ATP13A5: variants seen among roughly 807,000 people sequenced by gnomAD.
ATP13A5 encodes the protein probable cation-transporting ATPase 13A5.
In ATP13A5, 149 loss-of-function variants were observed where a neutral mutation model predicts 150.2. The observed-to-expected ratio is 0.99, with a 90% CI of 0.87 to 1.14. ATP13A5 has a LOEUF of 1.14. ATP13A5 is among the 50% of genes most tolerant of loss of function. ATP13A5 has a pLI of 0.00. For synonymous variants in ATP13A5, 497 were observed against 522.2 expected (o/e 0.95, Z 0.66); for missense variants, 1,383 against 1,449.3 (o/e 0.95, Z 0.74).
intron 3 of ATP13A5, 125 bp from the exon 4 acceptor site, chr3:193,362,762 T>TTTCC (rs1713072825): frequency 1.3e-5 from 2 of 154,636 alleles, no homozygotes; most frequent in East Asian, 1.1e-4. Flanking sequence ...TCTTTCTTTC[T>TTTCC]TTCTTTCTTT....
intron 7 of ATP13A5, among the ~76,000 whole-genome samples, chr3:193,349,656 C>G (rs1227174453): frequency 1.3e-5 from 2 of 152,048 alleles, no homozygotes; most frequent in African/African-American, 4.8e-5. Flanking sequence ...TGTCTAGTCT[C>G]ACCAGCAATC....
At chr3:193,291,486 A>G (rs942895099) in intron 25 of ATP13A5, among the ~76,000 whole-genome samples, 2 of 152,044 alleles carry the variant, frequency 1.3e-5, no homozygotes, top group Non-Finnish European at 2.9e-5. Flanking sequence ...TGCTAACAAG[A>G]TGACTCATGG....
chr3:193,289,907 A>G lies in ATP13A5; in HGVS notation c.3001T>C (p.Tyr1001His). The part of the protein sequence containing the change: ...AFLYVKQQPW[Y>H]CEVYQYSECF... ...TACCTGTATTGGTAGACCTCACAATACCAAGGCTGCTGCTTCACATAGAGA... is the reference window on the plus strand; with the variant it reads ...TACCTGTATTGGTAGACCTCACAATGCCAAGGCTGCTGCTTCACATAGAGA... Residue 1001 changes from tyrosine (Y) to histidine (H), a missense_variant, in exon 26 of 30, where the codon TAT (tyrosine) becomes CAT (histidine). By Grantham distance (83) the Tyr-to-His change is moderately conservative. Coordinates refer to ENST00000342358, the MANE Select transcript of ATP13A5 (RefSeq NM_198505.4). 2 of 1,609,686 alleles carry G rather than the reference A, an allele frequency of 1.2e-6. No homozygotes were observed. The highest frequency in any genetic ancestry group is 1.7e-6 in the Non-Finnish European group (2 of 1,178,208).
intron 6 of ATP13A5, 64 bp from the exon 7 acceptor site, chr3:193,351,265 C>A: frequency 6.4e-7 from 1 of 1,566,248 alleles, no homozygotes; most frequent in South Asian, 1.1e-5. Context: ...AAGAAGATGT[C>A]ATTTCATTAT....
At chr3:193,277,391 CTTAT>C (rs373491082) in intron 28 of ATP13A5, among the ~76,000 whole-genome samples, 20 of 152,234 alleles carry the variant, frequency 1.3e-4, no homozygotes, top group African/African-American at 4.8e-4. Flanking sequence ...ATTAAATATG[CTTAT>C]TTAAAGTGTG....
chr3:193,277,300 C>G (rs948133322), intron 28 of ATP13A5, among the ~76,000 whole-genome samples: 74 of 152,096 alleles, frequency 4.9e-4, no homozygotes, highest in Non-Finnish European at 7.5e-4. Flanking sequence ...TTGCTTCTGG[C>G]CCTATGTCTG....
chr3:193,295,080 A>G (rs1718111419), intron 25 of ATP13A5, among the ~76,000 whole-genome samples: 1 of 152,118 alleles, frequency 6.6e-6, no homozygotes, highest in African/African-American at 2.4e-5. Context: ...GTAATTTTAC[A>G]TTGATCATCA....
chr3:193,342,383 T>C (rs1369116900), intron 9 of ATP13A5, among the ~76,000 whole-genome samples: 1 of 152,214 alleles, frequency 6.6e-6, no homozygotes, highest in African/African-American at 2.4e-5. Context: ...GGAGGATCTA[T>C]GTAGGCTGTG....
chr3:193,372,856 T>C (rs1713500778), intron 1 of ATP13A5, among the ~76,000 whole-genome samples: 1 of 152,210 alleles, frequency 6.6e-6, no homozygotes. Flanking sequence ...AATTTTTGAA[T>C]CTTGATTCTG....
At chr3:193,376,129 G>T (rs1470506441) in intron 1 of ATP13A5, among the ~76,000 whole-genome samples, 1 of 152,178 alleles carries the variant, frequency 6.6e-6, no homozygotes, top group East Asian at 1.9e-4. Flanking sequence ...GTTTTCAAAA[G>T]ATGAATTTGT....
chr3:193,364,096 A>ATT lies in ATP13A5; in HGVS notation c.237+10_237+11insAA, dbSNP rs1371409619. 1.2e-6 allele frequency: 2 copies of ATT among 1,612,504 alleles called. No individual in the cohort carries two copies. The highest frequency in any genetic ancestry group is 3.3e-5 in the Admixed American group (2 of 59,914). ...CATGGCTTTCAAAATAGAAAACAGA[A>ATT]AGGCACGCACTGTTGTCCTCAGCAA... On this transcript the variant is annotated intron_variant, in intron 2 of 29. Coordinates refer to ENST00000342358, the MANE Select transcript of ATP13A5 (RefSeq NM_198505.4).
intron 9 of ATP13A5, among the ~76,000 whole-genome samples, chr3:193,338,816 C>G (rs1204008389): frequency 6.6e-6 from 1 of 152,144 alleles, no homozygotes; most frequent in Non-Finnish European, 1.5e-5. Context: ...CTGGTACCAG[C>G]TTCTCCTTGT....
At chr3:193,347,246 G>T (rs547369604) in intron 7 of ATP13A5, among the ~76,000 whole-genome samples, 142 of 149,526 alleles carry the variant, frequency 9.5e-4, no homozygotes, top group Non-Finnish European at 1.7e-3. Context: ...GTTATTATGT[G>T]CCAGGCATTG....
chr3:193,356,333 A>G (rs1712788548), intron 5 of ATP13A5, among the ~76,000 whole-genome samples: 1 of 152,184 alleles, frequency 6.6e-6, no homozygotes, highest in African/African-American at 2.4e-5. Flanking sequence ...GGACATCGAT[A>G]CATTCCGAAT....
At chr3:193,352,030 TTATTTTTCTGAGAAAGTGTTCTTTCTAA>T (rs1291316188) in intron 6 of ATP13A5, among the ~76,000 whole-genome samples, 3 of 152,202 alleles carry the variant, frequency 2.0e-5, no homozygotes, top group African/African-American at 7.2e-5. Context: ...AAAGCAAGGA[TTATTTTTCTGAGAAAGTGTTCTTTCTAA>T]TCATTATGAA....
At chr3:193,299,863 G>A (rs569684361) in intron 24 of ATP13A5, among the ~76,000 whole-genome samples, 3 of 152,126 alleles carry the variant, frequency 2.0e-5, no homozygotes, top group Non-Finnish European at 2.9e-5. Flanking sequence ...TTTCATATCT[G>A]TCGACTAAGC....
intron 24 of ATP13A5, among the ~76,000 whole-genome samples, chr3:193,300,399 G>T (rs375799678): frequency 4.1e-4 from 63 of 152,206 alleles, no homozygotes; most frequent in African/African-American, 1.4e-3. Context: ...CAGGTTTTCT[G>T]ACTCCCAGTC....
In ATP13A5 at chr3:193,315,036, T is replaced by A; in HGVS notation, c.2094A>T (p.Lys698Asn). ...CCTTCAAGACCAGTTTGGTTTCTTT[T>A]TTCAAGCGATTCTCCATGATGAGAA... The part of the protein sequence containing the change: ...LGLLIMENRL[K>N]KETKLVLKEL... Residue 698 changes from lysine (K) to asparagine (N), a missense_variant, in exon 18 of 30, where the codon AAA (lysine) becomes AAT (asparagine). Physicochemically the swap from Lys to Asn is moderately conservative, Grantham distance 94 (BLOSUM62 0). This residue lies in a region of ATP13A5 where 568 missense variants were observed against 621.5 expected (regional missense o/e 0.91). Transcript: ENST00000342358. 1 of 1,613,902 alleles carries A rather than the reference T, an allele frequency of 6.2e-7. No homozygotes were observed. Among genetic ancestry groups the A allele is most frequent in the Non-Finnish European group, 8.5e-7 (1 of 1,179,856 alleles).
At chr3:193,378,054 T>C (rs1713703918) in intron 1 of ATP13A5, among the ~76,000 whole-genome samples, 1 of 140,894 alleles carries the variant, frequency 7.1e-6, no homozygotes, top group Admixed American at 7.5e-5. Context: ...AGTTTTCAAC[T>C]TTTTAATTAT....
Sources: allele counts gnomAD v4.1 joint callset (sites outside exome capture counted in the v4.1 genomes callset), GRCh38; gene constraint gnomAD v4.1.1; regional missense constraint gnomAD v4.1.1; transcripts MANE v1.5; gene names NCBI Gene and HGNC (gene_info 2026-07-23, HGNC 2026-07-21).